Variants in GRM7 observed in about 807,000 individuals in gnomAD.
GRM7 encodes the protein glutamate metabotropic receptor 7.
Under a neutral mutation model 84.5 loss-of-function variants are expected in GRM7, and 35 were observed. The observed-to-expected ratio is 0.41, with a 90% CI of 0.32 to 0.55. The LOEUF (loss-of-function observed/expected upper bound fraction) is 0.55, where lower values mean the gene tolerates loss of function less well. Among genes scored for constraint, GRM7 ranks in the 20% least tolerant of loss-of-function variants. GRM7 has a pLI of 0.19. For synonymous variants in GRM7, 487 were observed against 455.1 expected (o/e 1.07, Z -0.89); for missense variants, 1,003 against 1,194.6 (o/e 0.84, Z 2.36).
chr3:7,551,901 C>T (rs1008627716), intron 7 of GRM7, among the ~76,000 whole-genome samples: 40 of 152,250 alleles, frequency 2.6e-4, no homozygotes, highest in African/African-American at 9.4e-4. Flanking sequence ...GGGGAGGCTT[C>T]AGGAGACTTA....
intron 1 of GRM7, among the ~76,000 whole-genome samples, chr3:7,057,313 C>A (rs1315965350): frequency 6.6e-6 from 1 of 151,902 alleles, no homozygotes; most frequent in Admixed American, 6.6e-5. Flanking sequence ...TGTATTTATA[C>A]ATATCTTTTG....
At chr3:7,713,646 C>G (rs1454393554) in intron 9 of GRM7, among the ~76,000 whole-genome samples, 1 of 151,942 alleles carries the variant, frequency 6.6e-6, no homozygotes, top group Non-Finnish European at 1.5e-5. Context: ...ATAGCCAGCT[C>G]AGAGAGTAGT....
chr3:7,377,336 A>G (rs1446297342), intron 4 of GRM7, among the ~76,000 whole-genome samples: 2 of 152,336 alleles, frequency 1.3e-5, no homozygotes, highest in East Asian at 1.9e-4. Flanking sequence ...AGACTTGTCA[A>G]CATGCTACTC....
At chr3:6,956,193 A>G (rs1693040582) in intron 1 of GRM7, among the ~76,000 whole-genome samples, 1 of 152,232 alleles carries the variant, frequency 6.6e-6, no homozygotes, top group African/African-American at 2.4e-5. Context: ...GGGATCACGC[A>G]TGAGTTTTGC....
intron 4 of GRM7, among the ~76,000 whole-genome samples, chr3:7,314,887 T>C (rs1157992205): frequency 6.6e-6 from 1 of 152,160 alleles, no homozygotes; most frequent in Non-Finnish European, 1.5e-5. Context: ...GTAGTAGCTC[T>C]AGAAATAGGA....
At chr3:7,451,694 A>G (rs535606490) in intron 5 of GRM7, 60 of 152,330 alleles carry the variant, frequency 3.9e-4, no homozygotes, top group African/African-American at 1.4e-3. Context: ...TGGTATCATA[A>G]GGATAAAAAA....
At chr3:7,266,306 C>T (rs369393818) in intron 2 of GRM7, among the ~76,000 whole-genome samples, 1 of 152,256 alleles carries the variant, frequency 6.6e-6, no homozygotes, top group East Asian at 1.9e-4. Flanking sequence ...CAAAAGAAAG[C>T]ATTGAGTTTG....
chr3:7,082,163 T>C (rs1244391541), intron 1 of GRM7, among the ~76,000 whole-genome samples: 1 of 152,112 alleles, frequency 6.6e-6, no homozygotes, highest in East Asian at 1.9e-4. Flanking sequence ...CTTTTGTAGG[T>C]ATAGAGAAAT....
intron 9 of GRM7, among the ~76,000 whole-genome samples, chr3:7,730,153 GCCCA>G (rs1702266385): frequency 6.6e-6 from 1 of 151,316 alleles, no homozygotes; most frequent in Non-Finnish European, 1.5e-5. Flanking sequence ...GATTACAGGC[GCCCA>G]CCACCACACC....
At chr3:7,402,112 T>G (rs1382058406) in intron 4 of GRM7, among the ~76,000 whole-genome samples, 1 of 152,164 alleles carries the variant, frequency 6.6e-6, no homozygotes, top group African/African-American at 2.4e-5. Flanking sequence ...TTTCTACTTC[T>G]CAGCCTATGT....
At chr3:7,125,827 A>C (rs1381097067) in intron 1 of GRM7, among the ~76,000 whole-genome samples, 1 of 152,184 alleles carries the variant, frequency 6.6e-6, no homozygotes, top group Non-Finnish European at 1.5e-5. Context: ...AGTTGCTGTC[A>C]TCTTTGCAAC....
intron 1 of GRM7, among the ~76,000 whole-genome samples, chr3:7,102,645 C>G (rs964135888): frequency 4.6e-5 from 7 of 151,668 alleles, no homozygotes; most frequent in African/African-American, 9.7e-5. Context: ...TTTTCTACAC[C>G]ATTCTGTTTC....
At chr3:7,709,025 C>A (rs1398840538) in intron 9 of GRM7, among the ~76,000 whole-genome samples, 1 of 151,986 alleles carries the variant, frequency 6.6e-6, no homozygotes, top group African/African-American at 2.4e-5. Context: ...CATTGTTTAT[C>A]TCCTACCACT....
chr3:7,711,539 G>A (rs1701577154), intron 9 of GRM7, among the ~76,000 whole-genome samples: 2 of 152,156 alleles, frequency 1.3e-5, no homozygotes, highest in Admixed American at 1.3e-4. Context: ...GGAAGCCATT[G>A]GAGTCTCGTA....
At chr3:7,229,752 TATA>T (rs1697117445) in intron 2 of GRM7, among the ~76,000 whole-genome samples, 2 of 35,198 alleles carry the variant, frequency 5.7e-5, no homozygotes, top group African/African-American at 9.2e-5. Flanking sequence ...TATATATATA[TATA>T]TATATTTTTT....
At chr3:7,292,529 G>T (rs1699667640) in intron 2 of GRM7, among the ~76,000 whole-genome samples, 1 of 151,984 alleles carries the variant, frequency 6.6e-6, no homozygotes, top group African/African-American at 2.4e-5. Context: ...TGTAATCATT[G>T]AATGTGTTAA....
Position 7,656,545 on chromosome 3 carries a change from GCGCA to G in GRM7, c.2452-23502_2452-23499del, listed in dbSNP as rs61665785. Among the ~76,000 whole-genome samples the G allele has an allele frequency of 5.9e-4, 71 of 120,416 alleles. 1 individual carries two copies. The East Asian group carries it at 0.012, about 20-fold the overall frequency. 79.0% of individuals were successfully genotyped at this position (120,416 alleles called of 152,430 possible). Reference sequence around the variant, plus strand: ...AAAATATATATATATATATACGCGCGCGCACACACACACACACACACACACACAC... The same window carrying G: ...AAAATATATATATATATATACGCGCGCACACACACACACACACACACACAC... On this transcript the variant is annotated intron_variant, in intron 8 of 9. Transcript: ENST00000357716.
At chr3:7,672,538 A>G (rs537578453) in intron 8 of GRM7, among the ~76,000 whole-genome samples, 3 of 152,280 alleles carry the variant, frequency 2.0e-5, no homozygotes, top group African/African-American at 7.2e-5. Context: ...ACCTGGGAAC[A>G]TACAAAACTG....
At chr3:7,119,164 A>T (rs1318852245) in intron 1 of GRM7, among the ~76,000 whole-genome samples, 1 of 152,148 alleles carries the variant, frequency 6.6e-6, no homozygotes, top group African/African-American at 2.4e-5. Flanking sequence ...TTATTCTGGC[A>T]TTCCAATAGT....
Sources: allele counts gnomAD v4.1 joint callset (sites outside exome capture counted in the v4.1 genomes callset), GRCh38; gene constraint gnomAD v4.1.1; transcripts MANE v1.5; gene names NCBI Gene and HGNC (gene_info 2026-07-23, HGNC 2026-07-21).